The following SIRT2 variants were observed in gnomAD, a reference collection of about 807,000 sequenced individuals.
The protein encoded by SIRT2 is sirtuin 2.
A neutral mutation model predicts 57.4 loss-of-function variants in SIRT2; 40 were observed. The ratio of observed to expected loss-of-function variants is 0.70; its 90% CI spans 0.54 to 0.91. The LOEUF (loss-of-function observed/expected upper bound fraction) is 0.91. Ranked by LOEUF, SIRT2 falls within the 40% of genes least tolerant of loss-of-function variation. The probability of loss-of-function intolerance (pLI) is 0.00; values close to 1 mark genes in which losing one functional copy is unlikely to be tolerated. For synonymous variants in SIRT2, 161 were observed against 195.7 expected, an observed-to-expected ratio of 0.82 and a Z score of 1.48; for missense variants, 439 against 510.4, an observed-to-expected ratio of 0.86 and a Z score of 1.35.
intron 3 of SIRT2, 90 bp downstream of exon 3, chr19:38,893,729 T>TC (rs1973621674): frequency 1.2e-5 from 18 of 1,468,114 alleles, no homozygotes; most frequent in Non-Finnish European, 1.7e-5. Flanking sequence ...TCACTCCTGA[T>TC]GGAGTTGAGG....
intron 2 of SIRT2, among the ~76,000 whole-genome samples, chr19:38,897,433 GA>G (rs1392499316): frequency 2.0e-5 from 3 of 152,120 alleles, no homozygotes; most frequent in Admixed American, 6.5e-5. Context: ...CCAGCCTGTG[GA>G]TTCCTCCAGG....
intron 2 of SIRT2, among the ~76,000 whole-genome samples, chr19:38,896,340 G>A (rs1048558699): frequency 6.6e-6 from 1 of 152,090 alleles, no homozygotes; most frequent in Non-Finnish European, 1.5e-5. Flanking sequence ...ACAACATCTT[G>A]AGTTTTCGGC....
intron 8 of SIRT2, among the ~76,000 whole-genome samples, chr19:38,888,231 G>A (rs1776508691): frequency 6.6e-6 from 1 of 152,056 alleles, no homozygotes; most frequent in South Asian, 2.1e-4. Flanking sequence ...ACAGTACAGT[G>A]GCACCATCAT....
chr19:38,885,322 C>T (rs1347107174), intron 8 of SIRT2, among the ~76,000 whole-genome samples: 1 of 151,988 alleles, frequency 6.6e-6, no homozygotes, highest in Non-Finnish European at 1.5e-5. Context: ...CCGGGCTGGT[C>T]TTGAACTCCT....
At chr19:38,893,309 A>T in intron 4 of SIRT2, 105 bp downstream of exon 4, 1 of 740,278 alleles carries the variant, frequency 1.4e-6, no homozygotes, top group Non-Finnish European at 2.4e-6. Flanking sequence ...GTTTCTTGCT[A>T]CTTATAAAGA....
rs1209239037 is a variant in SIRT2, at chr19:38,881,369, G to A, written c.691+63C>T. Reference sequence around the variant, plus strand: ...GTGCGGGTGTGGCCTTTGGGAGGGGGTCAGGGGGAGGAGGGGACCCCCACC... The same window carrying A: ...GTGCGGGTGTGGCCTTTGGGAGGGGATCAGGGGGAGGAGGGGACCCCCACC... On this transcript the variant is annotated intron_variant, in intron 10 of 15. Transcript: ENST00000249396. 2.7e-6 allele frequency: 4 copies of A among 1,479,684 alleles called. No homozygotes were observed. The African/African-American group carries it at 4.2e-5, about 15-fold the overall frequency. 91.7% of individuals were successfully genotyped at this position (1,479,684 alleles called of 1,614,324 possible). A position where few individuals can be genotyped will look rare whatever the true frequency, so the allele number is the denominator to read the frequency against.
chr19:38,887,313 A>T (rs1471138770), intron 8 of SIRT2, among the ~76,000 whole-genome samples: 6 of 152,200 alleles, frequency 3.9e-5, no homozygotes, highest in Non-Finnish European at 8.8e-5. Context: ...ACAGAAGCTG[A>T]CAAACAAGGG....
chr19:38,880,811 C>A lies in SIRT2; in HGVS notation c.824+10G>T, dbSNP rs1288583778. The A allele has an allele frequency of 3.7e-6, 6 of 1,613,644 alleles. No homozygotes were observed. Among genetic ancestry groups the A allele is most frequent in the Non-Finnish European group, 4.2e-6 (5 of 1,179,898 alleles). On this transcript the variant is annotated intron_variant, in intron 12 of 15. Coordinates refer to ENST00000249396, the MANE Select transcript of SIRT2 (RefSeq NM_012237.4). This position sits in a 1 kb window ranked among gnomAD's most constrained non-coding sequence, Gnocchi z 4.1. ...CCCAGCCGTCCTCCCAGCCACAGCC[C>A]CCAACCTACTTGCTGATGAGGGAGG... is the stretch of plus-strand genomic sequence containing the variant.
chr19:38,888,205 C>T (rs1973404534), intron 8 of SIRT2, among the ~76,000 whole-genome samples: 1 of 152,130 alleles, frequency 6.6e-6, no homozygotes, highest in Non-Finnish European at 1.5e-5. Flanking sequence ...TTCTTTGAAA[C>T]CAGGTCTCCC....
In SIRT2 at chr19:38,894,667, C is replaced by T. The variant is rs138613379; in HGVS notation, c.64-800G>A. Among the ~76,000 whole-genome samples, 723 of 152,192 alleles carry T rather than the reference C, an allele frequency of 4.8e-3. 3 individuals are homozygous for T. Among genetic ancestry groups the T allele is most frequent in the Non-Finnish European group, 8.5e-3 (580 of 67,992 alleles). ...CAATGCAAAGCCTTGGCCCTCACTT[C>T]AAGGACCTATGTGCCCCCTGCTCGA... is the stretch of plus-strand genomic sequence containing the variant. On this transcript the variant is annotated intron_variant, in intron 2 of 15. Coordinates refer to ENST00000249396, the MANE Select transcript of SIRT2 (RefSeq NM_012237.4).
chr19:38,879,336 C>A, intron 15 of SIRT2, 26 bp from the exon 16 acceptor site: 1 of 1,612,796 alleles, frequency 6.2e-7, no homozygotes, highest in Non-Finnish European at 8.5e-7. Context: ...TCACAGAAGT[C>A]AAAGGTCACT....
chr19:38,896,994 C>T (rs939402111), intron 2 of SIRT2, among the ~76,000 whole-genome samples: 1 of 152,180 alleles, frequency 6.6e-6, no homozygotes, highest in African/African-American at 2.4e-5. Flanking sequence ...ACTGCCTGTC[C>T]ACCTCTCCTG....
chr19:38,881,242 C>T, intron 10 of SIRT2, 87 bp from the exon 11 acceptor site: 1 of 1,388,908 alleles, frequency 7.2e-7, no homozygotes, highest in Non-Finnish European at 1.0e-6. Context: ...CCGGAGGCCA[C>T]AGTGGGAGTT....
chr19:38,897,023 C>T (rs550179413), intron 2 of SIRT2, among the ~76,000 whole-genome samples: 40 of 152,274 alleles, frequency 2.6e-4, no homozygotes, highest in Admixed American at 6.5e-4. Flanking sequence ...TGACAGGTGG[C>T]GTGCCCAGTG....
At chr19:38,892,814 GTGA>G (rs1222471266) in intron 4 of SIRT2, among the ~76,000 whole-genome samples, 2 of 152,140 alleles carry the variant, frequency 1.3e-5, no homozygotes, top group African/African-American at 4.8e-5. Context: ...CTGGCGTTGA[GTGA>G]TCCTCCCACG....
At position 38,889,471 on chromosome 19, in the gene SIRT2, G is replaced by C. The variant is rs1973452679; in HGVS notation, c.432+218C>G. On this transcript the variant is annotated intron_variant, in intron 7 of 15. Coordinates refer to ENST00000249396, the MANE Select transcript of SIRT2 (RefSeq NM_012237.4). ...CTAAGCCTCGCAGCAGCCCTCTTCA[G>C]ACAGTACCATTAGCTTCACTTCACA... The C allele has an allele frequency of 1.7e-5, 11 of 660,404 alleles. No individual in the cohort carries two copies. In the East Asian group the frequency reaches 3.0e-4, roughly 18 times the overall value. The allele number at this position is 660,404 out of a possible 1,614,324, so 40.9% of individuals were successfully genotyped here.
Position 38,879,478 on chromosome 19 carries a change from A to T in SIRT2, c.970T>A (p.Cys324Ser), listed in dbSNP as rs1281019237. 1 of 1,605,032 alleles carries T rather than the reference A, an allele frequency of 6.2e-7. No homozygotes were observed. Among genetic ancestry groups the T allele is most frequent in the Non-Finnish European group, 8.5e-7 (1 of 1,175,802 alleles). ...AYRDVAWLGE[C>S]DQGCLALAEL... is the part of the protein sequence containing the mutation. Reference sequence around the variant, plus strand: ...GCAAGGGCCAGGCAGCCCTGGTCGCATTCACCCAGCCAGGCCACGTCCCTG... The same window carrying T: ...GCAAGGGCCAGGCAGCCCTGGTCGCTTTCACCCAGCCAGGCCACGTCCCTG... Residue 324 changes from cysteine to serine, a missense_variant, in exon 15 of 16, where the codon TGC (cysteine) becomes AGC (serine). Cys to Ser is a moderately radical substitution (Grantham distance 112). Transcript: ENST00000249396.
Position 38,879,292 on chromosome 19 carries a change from C to A in SIRT2, c.1033G>T (p.Val345Phe), listed in dbSNP as rs202130999. 1 of 1,613,410 alleles carries A rather than the reference C, an allele frequency of 6.2e-7. No homozygotes were observed. The highest frequency in any genetic ancestry group is 8.5e-7 in the Non-Finnish European group (1 of 1,179,880). The change falls in exon 16 of 16, where the codon GTC (valine) becomes TTC (phenylalanine). Residue 345 changes from valine to phenylalanine, a missense_variant. Transcript: ENST00000249396. ...TCTATGCTGGCGTGCTCCCTCCGGA[C>A]AAGGTCCTCCAGCTCCTTCTGCAGG... ...LGWKKELEDL[V>F]RREHASIDAQ...
At chr19:38,896,075 A>C (rs956519195) in intron 2 of SIRT2, among the ~76,000 whole-genome samples, 9 of 152,072 alleles carry the variant, frequency 5.9e-5, no homozygotes, top group African/African-American at 2.2e-4. Context: ...CGTCTCAAAA[A>C]AAAAGAGAGA....
Sources: allele counts gnomAD v4.1 joint callset (sites outside exome capture counted in the v4.1 genomes callset), GRCh38; gene constraint gnomAD v4.1.1; non-coding constraint Gnocchi (gnomAD v3.1); transcripts MANE v1.5; gene names NCBI Gene and HGNC (gene_info 2026-07-23, HGNC 2026-07-21).